The following EMSY variants were observed in gnomAD, a reference collection of about 807,000 sequenced individuals.
The protein encoded by EMSY is EMSY transcriptional repressor, BRCA2 interacting, also known as BRCA2-interacting transcriptional repressor EMSY.
A neutral mutation model predicts 134.6 loss-of-function variants in EMSY; 26 were observed. The observed-to-expected ratio is 0.19, with a 90% CI of 0.14 to 0.27. The LOEUF is 0.27. EMSY is among the 10% of genes least tolerant of loss of function. EMSY has a pLI of 1.00. For missense variants in EMSY, 1,305 were observed against 1,611.4 expected, an observed-to-expected ratio of 0.81 and a Z score of 3.26; for synonymous variants, 579 against 577.8, an observed-to-expected ratio of 1.00 and a Z score of -0.03.
intron 14 of EMSY, among the ~76,000 whole-genome samples, chr11:76,529,168 A>T (rs1284204139): frequency 6.6e-6 from 1 of 152,128 alleles, no homozygotes. Flanking sequence ...TCTAGTACTC[A>T]TGTCTCTCAG....
At chr11:76,504,441 C>T (rs1448592690) in intron 9 of EMSY, among the ~76,000 whole-genome samples, 1 of 152,054 alleles carries the variant, frequency 6.6e-6, no homozygotes, top group Non-Finnish European at 1.5e-5. Flanking sequence ...TGCTAAACAT[C>T]ATTAGTTATC....
At chr11:76,500,607 T>C (rs1261663621) in intron 9 of EMSY, among the ~76,000 whole-genome samples, 5 of 152,348 alleles carry the variant, frequency 3.3e-5, no homozygotes, top group African/African-American at 1.2e-4. Flanking sequence ...GAGTAATGTA[T>C]GCTCCAAAGC....
intron 2 of EMSY, among the ~76,000 whole-genome samples, chr11:76,450,514 CAG>C (rs1336123681): frequency 6.7e-6 from 1 of 149,426 alleles, no homozygotes; most frequent in Admixed American, 6.7e-5. Context: ...CCTTCTGAGA[CAG>C]AGTCTTACTC....
chr11:76,503,146 C>CA (rs1215053982), intron 9 of EMSY, among the ~76,000 whole-genome samples: 1 of 151,478 alleles, frequency 6.6e-6, no homozygotes, highest in African/African-American at 2.4e-5. Context: ...ACTAAAAATA[C>CA]AAAAATTAAC....
chr11:76,513,036 C>T (rs894203532), intron 9 of EMSY, among the ~76,000 whole-genome samples: 2 of 152,148 alleles, frequency 1.3e-5, no homozygotes, highest in East Asian at 3.8e-4. Context: ...ACCTCTTATG[C>T]TAGTCCTTTC....
At chr11:76,526,516 G>T in exon 13 of EMSY, 1 of 1,613,716 alleles carries the variant, frequency 6.2e-7, no homozygotes, top group Non-Finnish European at 8.5e-7. Context: ...TATCCTTACT[G>T]CTACAAGACC....
intron 9 of EMSY, 127 bp from the exon 11 acceptor site, chr11:76,513,259 G>A: frequency 1.4e-6 from 1 of 697,004 alleles, no homozygotes; most frequent in South Asian, 3.5e-5. Context: ...AGTTTCATCA[G>A]TATTAAAAAA....
intron 17 of EMSY, among the ~76,000 whole-genome samples, chr11:76,541,759 G>A (rs978306596): frequency 9.2e-5 from 14 of 152,264 alleles, no homozygotes; most frequent in African/African-American, 2.6e-4. Context: ...ATTGCATGTC[G>A]AACTGAGACC....
At chr11:76,523,930 G>T (rs1353037363) in intron 12 of EMSY, among the ~76,000 whole-genome samples, 1 of 151,748 alleles carries the variant, frequency 6.6e-6, no homozygotes, top group Non-Finnish European at 1.5e-5. Flanking sequence ...TGCACCTGTA[G>T]TCCCAGTTAC....
At position 76,512,926 on chromosome 11, in the gene EMSY, G is replaced by A. The variant is rs577006679; in HGVS notation, c.1364-460G>A. Among the ~76,000 whole-genome samples the A allele has an allele frequency of 1.9e-4, 29 of 152,154 alleles. No individual in the cohort carries two copies. The South Asian group carries it at 5.8e-3, about 30-fold the overall frequency. On this transcript the variant is annotated intron_variant, in intron 9 of 20. Coordinates refer to ENST00000334736, the Ensembl canonical transcript of EMSY. The stretch of plus-strand genomic sequence containing the variant: ...AAAATTCAAACAAAAAATGTTCTTT[G>A]TCTTTATAATTTTCAACAGCTTTTA...
At chr11:76,544,546 C>T (rs756125292) in exon 19 of EMSY, 1 of 1,614,118 alleles carries the variant, frequency 6.2e-7, no homozygotes, top group African/African-American at 1.3e-5. Context: ...AGCTTTCCAT[C>T]AGGCATCAAA....
At chr11:76,486,711 G>A (rs1478607741) in intron 8 of EMSY, among the ~76,000 whole-genome samples, 2 of 152,044 alleles carry the variant, frequency 1.3e-5, no homozygotes, top group African/African-American at 4.8e-5. Context: ...TGGGTGAAGT[G>A]GATATTTAAG....
chr11:76,454,644 C>A, intron 4 of EMSY, 105 bp from the exon 5 acceptor site: 2 of 654,862 alleles, frequency 3.1e-6, no homozygotes, highest in Admixed American at 3.4e-5. Context: ...ATTGTAGAAG[C>A]ATTGGAAAGG....
At chr11:76,529,655 A>C (rs1950963878) in intron 14 of EMSY, among the ~76,000 whole-genome samples, 1 of 152,170 alleles carries the variant, frequency 6.6e-6, no homozygotes, top group Non-Finnish European at 1.5e-5. Flanking sequence ...GAAAGTTGAC[A>C]TGCCAGTGAG....
chr11:76,471,492 A>G (rs1159471040), intron 7 of EMSY, among the ~76,000 whole-genome samples: 4 of 152,064 alleles, frequency 2.6e-5, no homozygotes, highest in Admixed American at 2.0e-4. Flanking sequence ...CCAGGATACC[A>G]TATTATATTT....
chr11:76,454,146 T>A (rs1382814409), intron 4 of EMSY, among the ~76,000 whole-genome samples: 1 of 152,198 alleles, frequency 6.6e-6, no homozygotes, highest in Non-Finnish European at 1.5e-5. Flanking sequence ...TTTTATGTTT[T>A]AATGTTAAAT....
chr11:76,545,939 A>G (rs762104180), exon 20 of EMSY: 3 of 1,614,210 alleles, frequency 1.9e-6, no homozygotes, highest in Non-Finnish European at 8.5e-7. Flanking sequence ...TCTCCCATTC[A>G]GGCCTCTGAG....
chr11:76,524,998 C>A (rs1282809726), intron 12 of EMSY, among the ~76,000 whole-genome samples: 1 of 152,174 alleles, frequency 6.6e-6, no homozygotes, highest in African/African-American at 2.4e-5. Flanking sequence ...GCCTGGGTGA[C>A]AGAGCAAGAC....
At chr11:76,477,252 A>G (rs1948801009) in intron 8 of EMSY, among the ~76,000 whole-genome samples, 1 of 150,090 alleles carries the variant, frequency 6.7e-6, no homozygotes, top group Non-Finnish European at 1.5e-5. Flanking sequence ...GTCAAGCATT[A>G]TAGGTTAATT....
Sources: allele counts gnomAD v4.1 joint callset (sites outside exome capture counted in the v4.1 genomes callset), GRCh38; gene constraint gnomAD v4.1.1; transcripts MANE v1.5; gene names NCBI Gene and HGNC (gene_info 2026-07-23, HGNC 2026-07-21).